HACE1: variants seen among roughly 807,000 people sequenced by gnomAD.
HACE1 encodes E3 ubiquitin-protein ligase HACE1.
A neutral mutation model predicts 118.4 loss-of-function variants in HACE1; 73 were observed. The observed-to-expected ratio is 0.62, with a 90% confidence interval of 0.51 to 0.75. The LOEUF is 0.75. Ranked by LOEUF, HACE1 falls within the 30% of genes least tolerant of loss-of-function variation. The pLI, the probability that HACE1 is intolerant of heterozygous loss-of-function variation, is 0.00. For missense variants in HACE1, 749 were observed against 1,102.2 expected, an observed-to-expected ratio of 0.68 and a Z score of 4.54; for synonymous variants, 368 against 374.8, an observed-to-expected ratio of 0.98 and a Z score of 0.21.
At chr6:104,793,583 C>T (rs1783299696) in intron 10 of HACE1, among the ~76,000 whole-genome samples, 1 of 152,130 alleles carries the variant, frequency 6.6e-6, no homozygotes, top group Admixed American at 6.5e-5. Flanking sequence ...CTGGATAACA[C>T]CTTAGTTGTC....
At chr6:104,805,177 A>G (rs1770853515) in intron 7 of HACE1, among the ~76,000 whole-genome samples, 1 of 152,194 alleles carries the variant, frequency 6.6e-6, no homozygotes, top group Non-Finnish European at 1.5e-5. Context: ...GCCAGTTAGA[A>G]TGGCGATCAT....
rs1221118006 is a variant in HACE1, at chr6:104,744,675, G to A, written c.2344-65C>T. 3.2e-6 allele frequency: 3 copies of A among 931,162 alleles called. No individual in the cohort carries two copies. In the South Asian group the frequency reaches 4.1e-5, roughly 13 times the overall value. The allele number at this position is 931,162 out of a possible 1,614,324, so 57.7% of individuals were successfully genotyped here. ...GGGAAAAAAGTTATTATATTTAAGTGGTAAATTTGCCATAATTAGAAACTA... is the reference window on the plus strand; with the variant it reads ...GGGAAAAAAGTTATTATATTTAAGTAGTAAATTTGCCATAATTAGAAACTA... On this transcript the variant is annotated intron_variant, in intron 20 of 23. Transcript: ENST00000262903.
chr6:104,736,869 G>T (rs1350188666), intron 22 of HACE1, among the ~76,000 whole-genome samples: 1 of 152,092 alleles, frequency 6.6e-6, no homozygotes, highest in African/African-American at 2.4e-5. Context: ...AATGTTAATT[G>T]TATGTATCTC....
chr6:104,777,222 G>A lies in HACE1; in HGVS notation c.1662C>T (p.Ile554=). 2 of 1,610,388 alleles carry A rather than the reference G, an allele frequency of 1.2e-6. No individual in the cohort carries two copies. Among genetic ancestry groups the A allele is most frequent in the Non-Finnish European group, 8.5e-7 (1 of 1,176,582 alleles). The change falls in exon 15 of 24, where the codon ATC becomes ATT. Residue 554 remains isoleucine (I), a synonymous_variant. Coordinates refer to ENST00000262903, the MANE Select transcript of HACE1 (RefSeq NM_020771.4). Reference sequence around the variant, plus strand: ...TAAGCATACCTCTGTGAACCAGCAGGATATCATTTTCATTCACTGGCCTGT... The same window carrying A: ...TAAGCATACCTCTGTGAACCAGCAGAATATCATTTTCATTCACTGGCCTGT... ...MVHRPVNEND[I]LLVHRDSIFR...
At chr6:104,822,622 C>T (rs1003268285) in intron 6 of HACE1, among the ~76,000 whole-genome samples, 3 of 151,776 alleles carry the variant, frequency 2.0e-5, no homozygotes, top group African/African-American at 4.8e-5. Context: ...TTTGGGAGGC[C>T]GAGGCAGTCG....
chr6:104,776,299 A>T (rs1781220619), intron 17 of HACE1, among the ~76,000 whole-genome samples: 1 of 152,236 alleles, frequency 6.6e-6, no homozygotes, highest in Non-Finnish European at 1.5e-5. Flanking sequence ...ACTCAAATAG[A>T]GTTAGCAAAT....
At position 104,728,900 on chromosome 6, in the gene HACE1, T is replaced by C. The variant is rs75153761; in HGVS notation, c.*762A>G. The C allele has an allele frequency of 0.025, 3,808 of 152,584 alleles. 85 individuals carry two copies. The highest frequency in any genetic ancestry group is 0.036 in the Non-Finnish European group (2,447 of 67,960). The allele number at this position is 152,584 out of a possible 1,614,324, so 9.5% of individuals were successfully genotyped here. ...TTTCAGATGTGTCAGAGCTCACAGA[T>C]AAAAGTAATGAAAAGAAACGTGGTA... On this transcript the variant is annotated 3_prime_UTR_variant, in exon 24 of 24. Coordinates refer to ENST00000262903, the MANE Select transcript of HACE1 (RefSeq NM_020771.4).
chr6:104,851,234 C>T (rs1776173680), intron 2 of HACE1, among the ~76,000 whole-genome samples: 1 of 152,170 alleles, frequency 6.6e-6, no homozygotes, highest in Non-Finnish European at 1.5e-5. Flanking sequence ...CAGGCGCATG[C>T]CACTACACCC....
rs756240153 is a variant in HACE1 at position 104,784,377 on chromosome 6, G to C, written c.1478+40C>G. The C allele has an allele frequency of 4.6e-6, 6 of 1,306,074 alleles. No homozygotes were observed. In the African/African-American group the frequency reaches 8.7e-5, roughly 19 times the overall value. The allele number at this position is 1,306,074 out of a possible 1,614,324, so 80.9% of individuals were successfully genotyped here. On this transcript the variant is annotated intron_variant, in intron 13 of 23. Transcript: ENST00000262903. Reference sequence around the variant, plus strand: ...TAGATGAAACTGTAAGTAAAGAGAGGAAAGGCTAGCAGGGTACTCCACAAA... The same window carrying C: ...TAGATGAAACTGTAAGTAAAGAGAGCAAAGGCTAGCAGGGTACTCCACAAA...
chr6:104,815,008 A>G (rs1840627), intron 6 of HACE1, among the ~76,000 whole-genome samples: 57,631 of 136,342 alleles, frequency 0.42, 19,062 homozygotes, highest in African/African-American at 0.67. Flanking sequence ...ATAGAAAATC[A>G]GTACCAGGAG....
intron 17 of HACE1, among the ~76,000 whole-genome samples, chr6:104,772,498 A>G (rs574910505): frequency 1.3e-5 from 2 of 152,332 alleles, no homozygotes; most frequent in South Asian, 4.1e-4. Flanking sequence ...TGTATGTGCC[A>G]GTGCAGTAAG....
At chr6:104,834,587 C>T (rs538214285) in intron 5 of HACE1, among the ~76,000 whole-genome samples, 4 of 152,026 alleles carry the variant, frequency 2.6e-5, no homozygotes, top group East Asian at 1.9e-4. Flanking sequence ...CTAAACCCCA[C>T]GGAAATGAGA....
intron 7 of HACE1, among the ~76,000 whole-genome samples, chr6:104,800,477 C>G (rs543666495): frequency 6.6e-6 from 1 of 152,250 alleles, no homozygotes; most frequent in South Asian, 2.1e-4. Flanking sequence ...CAACAGACAC[C>G]TCATATAGGC....
intron 17 of HACE1, among the ~76,000 whole-genome samples, chr6:104,774,602 T>A (rs1359976579): frequency 2.0e-5 from 3 of 151,662 alleles, no homozygotes; most frequent in Non-Finnish European, 4.4e-5. Flanking sequence ...ACCAGGATGG[T>A]CTTGATCTTT....
chr6:104,858,382 G>C (rs1776952231), intron 1 of HACE1: 1 of 234,952 alleles, frequency 4.3e-6, no homozygotes, highest in Non-Finnish European at 8.8e-6. Context: ...ATTCTAAATA[G>C]AGACTAGAGA....
In HACE1 at chr6:104,815,040, C is replaced by T. The variant is rs926242023; in HGVS notation, c.535-3647G>A. 2.0e-4 allele frequency among the ~76,000 whole-genome samples: 27 copies of T among 138,438 alleles called. 5 individuals are homozygous for T. The highest frequency in any genetic ancestry group is 2.1e-4 in the Admixed American group (3 of 14,046). 90.8% of individuals were successfully genotyped at this position (138,438 alleles called of 152,430 possible). A position where few individuals can be genotyped will look rare whatever the true frequency, so the allele number is the denominator to read the frequency against. On this transcript the variant is annotated intron_variant, in intron 6 of 23. Coordinates refer to ENST00000262903, the MANE Select transcript of HACE1 (RefSeq NM_020771.4). ...GGAGTGGGACACTCCTATAAAGACACTTGAAAATGTGGAAGCGACTTTGGA... is the reference window on the plus strand; with the variant it reads ...GGAGTGGGACACTCCTATAAAGACATTTGAAAATGTGGAAGCGACTTTGGA...
chr6:104,787,088 C>A (rs929742144), intron 11 of HACE1: 2 of 151,936 alleles, frequency 1.3e-5, no homozygotes, highest in African/African-American at 4.8e-5. Context: ...ATAATTAAAT[C>A]ACCTCAGGCC....
At chr6:104,806,144 T>G (rs1770970036) in intron 7 of HACE1, among the ~76,000 whole-genome samples, 1 of 152,214 alleles carries the variant, frequency 6.6e-6, no homozygotes, top group Admixed American at 6.5e-5. Flanking sequence ...ATCTCATTTA[T>G]GTTCAGTTGG....
chr6:104,780,454 C>T (rs1781609238), intron 14 of HACE1: 6 of 366,020 alleles, frequency 1.6e-5, no homozygotes, highest in Non-Finnish European at 2.7e-5. Flanking sequence ...TAACTACTGG[C>T]CACCTGAAAA....
Sources: gnomAD v4.1 joint callset for allele counts (sites outside exome capture counted in the v4.1 genomes callset) on GRCh38, gnomAD v4.1.1 for gene constraint, MANE v1.5 for transcripts, NCBI Gene and HGNC (gene_info 2026-07-23, HGNC 2026-07-21) for gene names.